The following RABGAP1L variants were observed in gnomAD, a reference collection of about 807,000 sequenced individuals.
RABGAP1L encodes the protein rab GTPase-activating protein 1-like.
Under a neutral mutation model 137.7 loss-of-function variants are expected in RABGAP1L, and 63 were observed. The observed-to-expected ratio is 0.46, with a 90% CI of 0.37 to 0.56. The LOEUF (loss-of-function observed/expected upper bound fraction) is 0.56, where lower values mean the gene tolerates loss of function less well. RABGAP1L is among the 20% of genes least tolerant of loss of function. The pLI, the probability that RABGAP1L is intolerant of heterozygous loss-of-function variation, is 0.00. For missense variants in RABGAP1L, 1,095 were observed against 1,244.0 expected (o/e 0.88, Z 1.80); for synonymous variants, 431 against 433.7 (o/e 0.99, Z 0.08).
At chr1:174,932,706 T>A (rs1342939013) in intron 19 of RABGAP1L, among the ~76,000 whole-genome samples, 6 of 152,218 alleles carry the variant, frequency 3.9e-5, no homozygotes, top group African/African-American at 1.4e-4. Flanking sequence ...ATTTCATTTA[T>A]ATATAGAATC....
intron 13 of RABGAP1L, among the ~76,000 whole-genome samples, chr1:174,418,514 G>T (rs1388156126): frequency 1.3e-5 from 2 of 152,194 alleles, no homozygotes; most frequent in Non-Finnish European, 2.9e-5. Context: ...CCTGGATAGA[G>T]ATAGTCTATA....
At chr1:174,945,855 T>A (rs1666647919) in intron 19 of RABGAP1L, 1 of 152,194 alleles carries the variant, frequency 6.6e-6, no homozygotes, top group African/African-American at 2.4e-5. Flanking sequence ...CTATAAATCT[T>A]CTGAGTGGTT....
intron 18 of RABGAP1L, among the ~76,000 whole-genome samples, chr1:174,775,397 T>G (rs796256033): frequency 1.3e-5 from 2 of 151,154 alleles, no homozygotes; most frequent in African/African-American, 4.9e-5. Flanking sequence ...CACTACAACC[T>G]CCACCTCCCA....
intron 11 of RABGAP1L, among the ~76,000 whole-genome samples, chr1:174,306,063 C>G: frequency 6.6e-6 from 1 of 152,162 alleles, no homozygotes; most frequent in East Asian, 1.9e-4. Context: ...TGGTTTCCAG[C>G]TTCATCCATG....
intron 23 of RABGAP1L, among the ~76,000 whole-genome samples, chr1:174,982,241 G>A (rs79917269): frequency 3.9e-5 from 6 of 151,934 alleles, no homozygotes; most frequent in African/African-American, 7.3e-5. Context: ...CCATCAACCC[G>A]TCACCTACAT....
chr1:174,692,021 T>C (rs1399014620), intron 15 of RABGAP1L, among the ~76,000 whole-genome samples: 1 of 152,174 alleles, frequency 6.6e-6, no homozygotes, highest in Non-Finnish European at 1.5e-5. Context: ...GCATTTGGAA[T>C]AGAATTACAG....
intron 19 of RABGAP1L, among the ~76,000 whole-genome samples, chr1:174,856,899 C>T (rs1407427357): frequency 6.6e-6 from 1 of 151,748 alleles, no homozygotes; most frequent in Non-Finnish European, 1.5e-5. Context: ...TGCATTCCAG[C>T]CTGGGAGACA....
At chr1:174,736,511 C>T (rs556579682) in intron 17 of RABGAP1L, among the ~76,000 whole-genome samples, 7 of 152,326 alleles carry the variant, frequency 4.6e-5, no homozygotes, top group East Asian at 1.9e-4. Context: ...CTGCCCATGG[C>T]GCTACCATAC....
intron 11 of RABGAP1L, among the ~76,000 whole-genome samples, chr1:174,320,535 A>T (rs938948799): frequency 3.9e-5 from 6 of 152,184 alleles, no homozygotes; most frequent in Non-Finnish European, 8.8e-5. Context: ...GCGGGAAGTC[A>T]GGGACCCTGA....
chr1:174,760,289 A>G (rs1685117269), intron 18 of RABGAP1L, among the ~76,000 whole-genome samples: 1 of 152,068 alleles, frequency 6.6e-6, no homozygotes, highest in African/African-American at 2.4e-5. Context: ...CACCCAGGTG[A>G]TAAGCATAGT....
At chr1:174,754,536 C>G (rs907756603) in intron 18 of RABGAP1L, among the ~76,000 whole-genome samples, 2 of 151,964 alleles carry the variant, frequency 1.3e-5, no homozygotes, top group Admixed American at 6.6e-5. Flanking sequence ...TCTGCTCACT[C>G]TGTTGCCTAG....
At chr1:174,978,693 G>T (rs1670848356) in intron 22 of RABGAP1L, 114 bp from the exon 23 acceptor site, 1 of 1,191,252 alleles carries the variant, frequency 8.4e-7, no homozygotes, top group Non-Finnish European at 1.1e-6. Flanking sequence ...AATTTATATA[G>T]TTAACATTGT....
chr1:174,664,705 CTCTCTCTT>C (rs202044815), intron 14 of RABGAP1L, among the ~76,000 whole-genome samples: 3,042 of 141,278 alleles, frequency 0.022, 52 homozygotes, highest in Middle Eastern at 0.079. Context: ...CTTTCTCTCT[CTCTCTCTT>C]TCTTTCTTTC....
chr1:174,665,928 G>C (rs937696388), intron 14 of RABGAP1L, among the ~76,000 whole-genome samples: 1 of 152,198 alleles, frequency 6.6e-6, no homozygotes, highest in Admixed American at 6.5e-5. Flanking sequence ...TTAATGCAAA[G>C]AATTCTTTGA....
intron 13 of RABGAP1L, among the ~76,000 whole-genome samples, chr1:174,630,106 G>A (rs1411247660): frequency 6.6e-6 from 1 of 151,162 alleles, no homozygotes; most frequent in Non-Finnish European, 1.5e-5. Flanking sequence ...AGCATGAAGG[G>A]TTGTTGAATT....
At chr1:174,390,019 T>C (rs1027099719) in intron 12 of RABGAP1L, among the ~76,000 whole-genome samples, 1 of 152,204 alleles carries the variant, frequency 6.6e-6, no homozygotes, top group Non-Finnish European at 1.5e-5. Context: ...TAATCAGAAA[T>C]ATTGAAAGCA....
chr1:174,684,955 T>C (rs780046034), intron 15 of RABGAP1L, among the ~76,000 whole-genome samples: 3 of 151,884 alleles, frequency 2.0e-5, no homozygotes, highest in African/African-American at 7.3e-5. Flanking sequence ...CAGTCCAGCT[T>C]GGGCAATAGA....
At chr1:174,715,252 G>C (rs1680905808) in intron 17 of RABGAP1L, among the ~76,000 whole-genome samples, 1 of 152,116 alleles carries the variant, frequency 6.6e-6, no homozygotes, top group Admixed American at 6.5e-5. Context: ...AGTGTTGAAA[G>C]ACCTCCATTG....
intron 14 of RABGAP1L, among the ~76,000 whole-genome samples, chr1:174,669,402 G>A (rs1677023609): frequency 6.6e-6 from 1 of 152,082 alleles, no homozygotes; most frequent in Admixed American, 6.6e-5. Flanking sequence ...TAGATGTATA[G>A]TTTGCAAATA....
Sources: gnomAD v4.1 joint callset for allele counts (sites outside exome capture counted in the v4.1 genomes callset) on GRCh38, gnomAD v4.1.1 for gene constraint, MANE v1.5 for transcripts, NCBI Gene and HGNC (gene_info 2026-07-23, HGNC 2026-07-21) for gene names.